The following MAP3K9 variants were observed in gnomAD, a reference collection of about 807,000 sequenced individuals.
MAP3K9 encodes the protein mixed lineage kinase 1 (tyr and ser/thr specificity).
Under a neutral mutation model 95.8 loss-of-function variants are expected in MAP3K9, and 46 were observed. The observed-to-expected ratio is 0.48, with a 90% confidence interval of 0.38 to 0.61. The LOEUF (loss-of-function observed/expected upper bound fraction) is 0.61, where lower values mean the gene tolerates loss of function less well. Ranked by LOEUF, MAP3K9 falls within the 20% of genes least tolerant of loss-of-function variation. The pLI is 0.00. For missense variants in MAP3K9, 1,296 were observed against 1,474.3 expected (o/e 0.88, Z 1.98); for synonymous variants, 533 against 593.8 (o/e 0.90, Z 1.49).
rs2053792957 is a variant in MAP3K9, at chr14:70,724,460, C to G, written c.*5920G>C. The G allele has an allele frequency of 6.6e-6, 1 of 151,976 alleles. No individual in the cohort carries two copies. Among genetic ancestry groups the G allele is most frequent in the Admixed American group, 6.6e-5 (1 of 15,264 alleles). The allele number at this position is 151,976 out of a possible 1,614,324, so 9.4% of individuals were successfully genotyped here. A position where few individuals can be genotyped will look rare whatever the true frequency, so the allele number is the denominator to read the frequency against. ...CACAGTGGTACCTAAGCCCCTCTCA[C>G]AGGTCCAGGTGAGGGGCAGGCAGGG... On this transcript the variant is annotated 3_prime_UTR_variant, in exon 12 of 12. Transcript: ENST00000554752.
At chr14:70,734,242 A>G in intron 10 of MAP3K9, 144 bp downstream of exon 10, 1 of 673,356 alleles carries the variant, frequency 1.5e-6, no homozygotes, top group East Asian at 2.7e-5. Context: ...TTTCTAGAAC[A>G]CTGAACATTC....
At chr14:70,764,999 G>T (rs1458752513) in intron 2 of MAP3K9, among the ~76,000 whole-genome samples, 2 of 152,246 alleles carry the variant, frequency 1.3e-5, no homozygotes, top group East Asian at 1.9e-4. Context: ...AAGTTAAAAA[G>T]TTACAGTAAG....
chr14:70,755,380 C>G (rs2054285707), intron 3 of MAP3K9, among the ~76,000 whole-genome samples: 1 of 152,228 alleles, frequency 6.6e-6, no homozygotes, highest in Admixed American at 6.5e-5. Flanking sequence ...ACTACAAGCA[C>G]AGATTGTCAC....
At chr14:70,794,638 G>A (rs1321860059) in intron 2 of MAP3K9, among the ~76,000 whole-genome samples, 1 of 151,700 alleles carries the variant, frequency 6.6e-6, no homozygotes, top group African/African-American at 2.4e-5. Context: ...AAAACACACA[G>A]TGTTTTTACC....
chr14:70,783,186 T>C (rs1415769637), intron 2 of MAP3K9: 7 of 825,544 alleles, frequency 8.5e-6, no homozygotes, highest in African/African-American at 1.8e-5. Flanking sequence ...TCATGGTCCA[T>C]GCAACTAGAG....
At chr14:70,753,829 G>A (rs1244764757) in intron 3 of MAP3K9, among the ~76,000 whole-genome samples, 1 of 152,188 alleles carries the variant, frequency 6.6e-6, no homozygotes, top group Admixed American at 6.5e-5. Flanking sequence ...AGAGGTGGAG[G>A]AGGGGTGTTT....
Position 70,785,557 on chromosome 14 carries a change from A to C in MAP3K9, c.820+15110T>G, listed in dbSNP as rs1243728675. Among the ~76,000 whole-genome samples the C allele has an allele frequency of 2.6e-5, 4 of 152,138 alleles. 1 individual carries two copies. The East Asian group carries it at 7.7e-4, about 29-fold the overall frequency. On this transcript the variant is annotated intron_variant, in intron 2 of 11. Transcript: ENST00000554752. Reference sequence around the variant, plus strand: ...GACGTTATGAGATGAAAAAATGGGTACGTGATGAGATGAAGTGCGCGGTAG... The same window carrying C: ...GACGTTATGAGATGAAAAAATGGGTCCGTGATGAGATGAAGTGCGCGGTAG...
Position 70,738,289 on chromosome 14 carries a change from C to T in MAP3K9, c.1800G>A (p.Gly600=), listed in dbSNP as rs536927830. 4 of 1,613,376 alleles carry T rather than the reference C, an allele frequency of 2.5e-6. No individual in the cohort carries two copies. Among genetic ancestry groups the T allele is most frequent in the South Asian group, 2.2e-5 (2 of 90,856 alleles). ...GCTCCTTCTGACCAAGCGTCCCTGGCCCCCACGTCCGTCCCTTCTTCTTTG... is the reference window on the plus strand; with the variant it reads ...GCTCCTTCTGACCAAGCGTCCCTGGTCCCCACGTCCGTCCCTTCTTCTTTG... ...RAPKKKGRTW[G]PGTLGQKELA... The change falls in exon 8 of 12, where the codon GGG becomes GGA. Residue 600 remains glycine (G), a synonymous_variant. Transcript: ENST00000554752.
chr14:70,772,653 T>C (rs185878200), intron 2 of MAP3K9, among the ~76,000 whole-genome samples: 1 of 152,114 alleles, frequency 6.6e-6, no homozygotes, highest in Non-Finnish European at 1.5e-5. Context: ...TTTCAAAATA[T>C]GTCCTTTCAG....
intron 9 of MAP3K9, 145 bp downstream of exon 9, chr14:70,735,816 T>C (rs1188906440): frequency 4.4e-6 from 3 of 683,098 alleles, no homozygotes; most frequent in African/African-American, 1.8e-5. Flanking sequence ...ACAATGGTAC[T>C]GCTTAAAACA....
chr14:70,753,788 T>C (rs1173381142), intron 3 of MAP3K9, among the ~76,000 whole-genome samples: 1 of 152,168 alleles, frequency 6.6e-6, no homozygotes, highest in Non-Finnish European at 1.5e-5. Context: ...CTCCCGAGGC[T>C]TGGTAATCCC....
chr14:70,759,870 T>C (rs2054347311), intron 3 of MAP3K9, among the ~76,000 whole-genome samples: 1 of 152,164 alleles, frequency 6.6e-6, no homozygotes, highest in African/African-American at 2.4e-5. Context: ...TCCTCCCATC[T>C]CAGCCTCCCA....
rs2053774064 is a variant in MAP3K9, at chr14:70,723,033, T to C, written c.*7347A>G. 1 of 152,152 alleles carries C rather than the reference T, an allele frequency of 6.6e-6. No individual in the cohort carries two copies. Among genetic ancestry groups the C allele is most frequent in the African/African-American group, 2.4e-5 (1 of 41,426 alleles). 9.4% of individuals were successfully genotyped at this position (152,152 alleles called of 1,614,324 possible). A position where few individuals can be genotyped will look rare whatever the true frequency, so the allele number is the denominator to read the frequency against. ...AGCCTTAGACTATAAGATATCTGGG[T>C]TTCGGTGGGGAGTGCAGGATGAGTA... On this transcript the variant is annotated 3_prime_UTR_variant, in exon 12 of 12. Coordinates refer to ENST00000554752, the MANE Select transcript of MAP3K9 (RefSeq NM_001284230.2).
intron 2 of MAP3K9, among the ~76,000 whole-genome samples, chr14:70,795,167 T>G (rs1248005275): frequency 6.6e-6 from 1 of 151,712 alleles, no homozygotes; most frequent in Non-Finnish European, 1.5e-5. Flanking sequence ...CTATTTTTTT[T>G]GTTTGTTCTT....
At chr14:70,746,511 A>G (rs1457876854) in intron 5 of MAP3K9, among the ~76,000 whole-genome samples, 3 of 152,226 alleles carry the variant, frequency 2.0e-5, no homozygotes, top group African/African-American at 7.2e-5. Context: ...AACAAGCCTT[A>G]TAACAGGGAG....
intron 2 of MAP3K9, among the ~76,000 whole-genome samples, chr14:70,794,279 C>T (rs993565099): frequency 5.3e-5 from 8 of 152,342 alleles, no homozygotes; most frequent in Middle Eastern, 3.4e-3. Flanking sequence ...ATACAGTTCA[C>T]CACTCACCTC....
rs373047757 is a variant in MAP3K9 at position 70,733,385 on chromosome 14, T to C, written c.2027-43A>G. ...GTGGAAGAGAAACAGGAAATGGAAA[T>C]GAGGTGGCAGGAATAAGAATCTGGC... On this transcript the variant is annotated intron_variant, in intron 10 of 11. Coordinates refer to ENST00000554752, the MANE Select transcript of MAP3K9 (RefSeq NM_001284230.2). 6.6e-5 allele frequency: 58 copies of C among 882,640 alleles called. No individual in the cohort carries two copies. In the African/African-American group the frequency reaches 8.9e-4, roughly 14 times the overall value. 54.7% of individuals were successfully genotyped at this position (882,640 alleles called of 1,614,324 possible). A position where few individuals can be genotyped will look rare whatever the true frequency, so the allele number is the denominator to read the frequency against.
At chr14:70,735,855 C>T (rs2053978585) in intron 9 of MAP3K9, 106 bp downstream of exon 9, 1 of 900,330 alleles carries the variant, frequency 1.1e-6, no homozygotes, top group African/African-American at 1.7e-5. Context: ...TCAGTTCAGC[C>T]CTGGCAATAA....
Position 70,809,199 on chromosome 14 carries a change from C to T in MAP3K9, c.-28G>A. ...AGCGGCCGATCCATAGGGTGCGGGG[C>T]CGCCGCCGCCCGCAGGAGCCGCCGC... On this transcript the variant is annotated 5_prime_UTR_variant, in exon 1 of 12. Transcript: ENST00000554752. The T allele has an allele frequency of 7.7e-7, 1 of 1,293,576 alleles. No homozygotes were observed. Among genetic ancestry groups the T allele is most frequent in the Non-Finnish European group, 9.7e-7 (1 of 1,027,048 alleles). 80.1% of individuals were successfully genotyped at this position (1,293,576 alleles called of 1,614,324 possible). A position where few individuals can be genotyped will look rare whatever the true frequency, so the allele number is the denominator to read the frequency against.
Sources: allele counts gnomAD v4.1 joint callset (sites outside exome capture counted in the v4.1 genomes callset), GRCh38; gene constraint gnomAD v4.1.1; transcripts MANE v1.5; gene names NCBI Gene and HGNC (gene_info 2026-07-23, HGNC 2026-07-21).